The following RYR3 variants were observed in gnomAD, a reference collection of about 807,000 sequenced individuals.
RYR3 encodes ryanodine receptor 3.
A neutral mutation model predicts 584.3 loss-of-function variants in RYR3; 207 were observed. The observed-to-expected ratio is 0.35, with a 90% CI of 0.32 to 0.40. The LOEUF (loss-of-function observed/expected upper bound fraction) is 0.40. Ranked by LOEUF, RYR3 falls within the 10% of genes least tolerant of loss-of-function variation. The pLI is 1.00. For synonymous variants in RYR3, 2,416 were observed against 2,248.5 expected (o/e 1.07, Z -2.11); for missense variants, 5,616 against 6,089.2 (o/e 0.92, Z 2.59).
At chr15:33,734,226 T>C (rs778901934) in intron 48 of RYR3, among the ~76,000 whole-genome samples, 2 of 152,190 alleles carry the variant, frequency 1.3e-5, no homozygotes, top group Admixed American at 1.3e-4. Context: ...CAACACAAGA[T>C]TTTTATGATA....
intron 86 of RYR3, among the ~76,000 whole-genome samples, chr15:33,833,002 C>A (rs79261719): frequency 1.2e-4 from 13 of 112,612 alleles, no homozygotes; most frequent in African/African-American, 3.0e-4. Flanking sequence ...AACTCTGTCT[C>A]AAAAAAAAAA....
chr15:33,673,640 T>G (rs923666493), intron 38 of RYR3, among the ~76,000 whole-genome samples: 1 of 152,248 alleles, frequency 6.6e-6, no homozygotes, highest in African/African-American at 2.4e-5. Flanking sequence ...AATGTAAATA[T>G]ATAGGCATTG....
intron 103 of RYR3, among the ~76,000 whole-genome samples, chr15:33,864,488 G>C (rs146319152): frequency 2.3e-3 from 357 of 152,180 alleles, no homozygotes; most frequent in African/African-American, 8.3e-3. Flanking sequence ...AAATGGAGTG[G>C]GTGGCTGCAA....
chr15:33,699,948 T>C (rs2066179530), intron 41 of RYR3, 115 bp downstream of exon 41: 6 of 1,020,942 alleles, frequency 5.9e-6, no homozygotes, highest in African/African-American at 3.2e-5. Context: ...TATTTGTAAA[T>C]ACTAGAAGAG....
chr15:33,424,820 C>A (rs1330225001), intron 1 of RYR3, among the ~76,000 whole-genome samples: 1 of 152,032 alleles, frequency 6.6e-6, no homozygotes, highest in South Asian at 2.1e-4. Flanking sequence ...TATCAAGATG[C>A]AAAGATGAGA....
intron 18 of RYR3, among the ~76,000 whole-genome samples, chr15:33,603,803 A>G (rs1015431332): frequency 7.9e-5 from 12 of 152,258 alleles, no homozygotes; most frequent in African/African-American, 2.9e-4. Context: ...TCAAAGTCAC[A>G]CTAGGAAGGA....
At position 33,450,855 on chromosome 15, in the gene RYR3, G is replaced by C. The variant is rs2047072439; in HGVS notation, c.52-22564G>C. ...GTCTCCTATTCCACTTACTCCTCAA[G>C]GCCCCAAGGTAGGACGCATGTTTGG... On this transcript the variant is annotated intron_variant, in intron 1 of 103. Coordinates refer to ENST00000634891, the MANE Select transcript of RYR3 (RefSeq NM_001036.6). Among the ~76,000 whole-genome samples, 4 of 152,108 alleles carry C rather than the reference G, an allele frequency of 2.6e-5. No individual in the cohort carries two copies. The South Asian group carries it at 8.3e-4, about 32-fold the overall frequency.
rs182702024 is a variant in RYR3 at position 33,548,116 on chromosome 15, A to C, written c.741-14A>C. On this transcript the variant is annotated splice_polypyrimidine_tract_variant and intron_variant, in intron 8 of 103. Transcript: ENST00000634891. ...GTCATGCAAGTAGGAGCTGATCTCC[A>C]ACTCTGCTCACAGGAGGATATTCTA... The C allele has an allele frequency of 5.2e-4, 840 of 1,605,796 alleles. 6 individuals are homozygous for C. In the Admixed American group the frequency reaches 0.013, roughly 26 times the overall value.
At chr15:33,421,829 T>G (rs1376600904) in intron 1 of RYR3, among the ~76,000 whole-genome samples, 1 of 152,182 alleles carries the variant, frequency 6.6e-6, no homozygotes, top group Admixed American at 6.5e-5. Context: ...GTAACCCAAT[T>G]GTCAGATGTA....
At chr15:33,816,102 C>T (rs1249769976) in intron 74 of RYR3, among the ~76,000 whole-genome samples, 2 of 152,274 alleles carry the variant, frequency 1.3e-5, no homozygotes, top group African/African-American at 2.4e-5. Context: ...AAACCATGAC[C>T]GGAGTTTAAT....
intron 1 of RYR3, among the ~76,000 whole-genome samples, chr15:33,338,109 T>G (rs1971366756): frequency 6.6e-6 from 1 of 152,012 alleles, no homozygotes; most frequent in African/African-American, 2.4e-5. Context: ...CACGCCCGGC[T>G]AAGTTTCTTG....
chr15:33,537,584 G>A (rs572255614), intron 5 of RYR3, among the ~76,000 whole-genome samples: 1 of 152,158 alleles, frequency 6.6e-6, no homozygotes, highest in African/African-American at 2.4e-5. Context: ...CCAGTGGTCT[G>A]ACTGTTGAGA....
intron 1 of RYR3, among the ~76,000 whole-genome samples, chr15:33,402,255 C>G (rs1465334018): frequency 6.6e-6 from 1 of 152,152 alleles, no homozygotes; most frequent in East Asian, 1.9e-4. Flanking sequence ...GTGGTTGATT[C>G]ATTTACAAGA....
chr15:33,497,190 A>T (rs1567373207), intron 2 of RYR3, among the ~76,000 whole-genome samples: 1 of 152,134 alleles, frequency 6.6e-6, no homozygotes, highest in African/African-American at 2.4e-5. Flanking sequence ...ATCTGCAGAG[A>T]TACCCATACA....
chr15:33,431,633 G>A (rs146744593), intron 1 of RYR3, among the ~76,000 whole-genome samples: 1 of 152,186 alleles, frequency 6.6e-6, no homozygotes, highest in African/African-American at 2.4e-5. Flanking sequence ...AGGCATGGTG[G>A]TGTGCATCTG....
intron 38 of RYR3, among the ~76,000 whole-genome samples, chr15:33,672,852 T>C (rs1382297983): frequency 6.6e-6 from 1 of 152,236 alleles, no homozygotes; most frequent in Non-Finnish European, 1.5e-5. Flanking sequence ...GTTAGTTTTC[T>C]ACACTCCTCC....
intron 86 of RYR3, among the ~76,000 whole-genome samples, chr15:33,833,616 C>T (rs2077837096): frequency 6.6e-6 from 1 of 152,194 alleles, no homozygotes; most frequent in African/African-American, 2.4e-5. Flanking sequence ...TCTGCAAAAT[C>T]CATCCTTATC....
chr15:33,473,647 C>A, intron 2 of RYR3, 109 bp downstream of exon 2: 2 of 1,122,932 alleles, frequency 1.8e-6, no homozygotes, highest in Non-Finnish European at 2.5e-6. Flanking sequence ...TGAAAGGACA[C>A]ATTTATTTTT....
chr15:33,698,661 A>C (rs2066038804), intron 40 of RYR3, among the ~76,000 whole-genome samples: 1 of 151,476 alleles, frequency 6.6e-6, no homozygotes, highest in African/African-American at 2.4e-5. Flanking sequence ...GTGCAGTTTC[A>C]TCAGTGCTAC....
Sources: allele counts gnomAD v4.1 joint callset (sites outside exome capture counted in the v4.1 genomes callset), GRCh38; gene constraint gnomAD v4.1.1; transcripts MANE v1.5; gene names NCBI Gene and HGNC (gene_info 2026-07-23, HGNC 2026-07-21).